ATG5: variants seen among roughly 807,000 people sequenced by gnomAD.
ATG5 encodes the protein autophagy related 5.
Under a neutral mutation model 36.5 loss-of-function variants are expected in ATG5, and 14 were observed. The observed-to-expected ratio is 0.38, with a 90% CI of 0.25 to 0.60. The LOEUF is 0.60. ATG5 is among the 20% of genes least tolerant of loss of function. The pLI is 0.60. For missense variants in ATG5, 195 were observed against 326.7 expected (o/e 0.60, Z 3.11); for synonymous variants, 95 against 101.5 (o/e 0.94, Z 0.38).
intron 5 of ATG5, among the ~76,000 whole-genome samples, chr6:106,278,533 T>C (rs181619101): frequency 2.6e-3 from 393 of 152,320 alleles, no homozygotes; most frequent in African/African-American, 8.9e-3. Context: ...CTTTACTGCA[T>C]ATAAGTTCCT....
At position 106,308,441 on chromosome 6, in the gene ATG5, T is replaced by C; in HGVS notation, c.159A>G (p.Lys53=). ...SYLTLVTDKV[K]KHFQKVMRQE... is the part of the protein sequence containing the mutation. ...GTCTCATAACCTTCTGAAAGTGCTT[T>C]TTCACTTTGTCAGTTACCAACGTCA... The change falls in exon 3 of 8, where the codon AAA becomes AAG. Residue 53 remains lysine (K), a synonymous_variant. Coordinates refer to ENST00000369076, the MANE Select transcript of ATG5 (RefSeq NM_004849.4). 1 of 1,600,404 alleles carries C rather than the reference T, an allele frequency of 6.2e-7. No homozygotes were observed. Among genetic ancestry groups the C allele is most frequent in the Non-Finnish European group, 8.5e-7 (1 of 1,173,946 alleles).
At chr6:106,198,788 G>A (rs377165342) in intron 7 of ATG5, among the ~76,000 whole-genome samples, 26 of 130,942 alleles carry the variant, frequency 2.0e-4, no homozygotes, top group Non-Finnish European at 3.6e-4. Flanking sequence ...AAAAAAAAAA[G>A]AGAGAGAGTG....
chr6:106,282,392 T>G (rs1185850312), intron 4 of ATG5, among the ~76,000 whole-genome samples: 1 of 152,234 alleles, frequency 6.6e-6, no homozygotes, highest in African/African-American at 2.4e-5. Context: ...TGGTTTTTAC[T>G]AGGTTCCTGT....
At chr6:106,238,495 T>G (rs1178273381) in intron 6 of ATG5, among the ~76,000 whole-genome samples, 1 of 152,204 alleles carries the variant, frequency 6.6e-6, no homozygotes, top group Non-Finnish European at 1.5e-5. Flanking sequence ...TTCCATCTCC[T>G]ATTAACACAC....
At chr6:106,297,642 A>G (rs889219685) in intron 3 of ATG5, among the ~76,000 whole-genome samples, 2 of 151,976 alleles carry the variant, frequency 1.3e-5, no homozygotes, top group Admixed American at 6.6e-5. Context: ...TTAAACCTGT[A>G]TTAAAATTTC....
At chr6:106,203,684 C>T (rs1776522586) in intron 6 of ATG5, among the ~76,000 whole-genome samples, 1 of 152,170 alleles carries the variant, frequency 6.6e-6, no homozygotes, top group African/African-American at 2.4e-5. Context: ...CCCCAAGTTG[C>T]AATCCTCCAC....
At chr6:106,287,733 A>G (rs1457730577) in intron 4 of ATG5, among the ~76,000 whole-genome samples, 2 of 152,220 alleles carry the variant, frequency 1.3e-5, no homozygotes, top group Non-Finnish European at 2.9e-5. Context: ...GAATCACATT[A>G]ACTCCTTTTT....
intron 6 of ATG5, among the ~76,000 whole-genome samples, chr6:106,224,841 A>C (rs2114440444): frequency 6.6e-6 from 1 of 152,336 alleles, no homozygotes; most frequent in Middle Eastern, 3.4e-3. Flanking sequence ...AGATCGCACC[A>C]TTGCACTCCA....
At chr6:106,194,163 G>A (rs1032096888) in intron 7 of ATG5, among the ~76,000 whole-genome samples, 2 of 152,124 alleles carry the variant, frequency 1.3e-5, no homozygotes, top group Non-Finnish European at 2.9e-5. Context: ...AATTCTAAAT[G>A]AATATCTAAA....
At chr6:106,291,422 G>A (rs1446094149) in intron 4 of ATG5, among the ~76,000 whole-genome samples, 1 of 152,182 alleles carries the variant, frequency 6.6e-6, no homozygotes, top group Non-Finnish European at 1.5e-5. Flanking sequence ...CATTATCAGT[G>A]TAAATGTTAA....
intron 7 of ATG5, among the ~76,000 whole-genome samples, chr6:106,191,801 T>C (rs978887575): frequency 6.6e-6 from 1 of 152,116 alleles, no homozygotes; most frequent in Non-Finnish European, 1.5e-5. Flanking sequence ...CATGATTTAG[T>C]AACAAAAAGT....
chr6:106,245,140 G>T (rs1427725545), intron 6 of ATG5, among the ~76,000 whole-genome samples: 1 of 152,178 alleles, frequency 6.6e-6, no homozygotes, highest in Non-Finnish European at 1.5e-5. Flanking sequence ...GTAAATGACA[G>T]AAATGACACA....
At chr6:106,286,308 A>G (rs1163835535) in intron 4 of ATG5, among the ~76,000 whole-genome samples, 2 of 152,116 alleles carry the variant, frequency 1.3e-5, no homozygotes, top group African/African-American at 4.8e-5. Context: ...TCCAAAGCAC[A>G]TGGGGCTCAC....
chr6:106,202,448 A>G (rs1301767123), intron 6 of ATG5: 1 of 161,628 alleles, frequency 6.2e-6, no homozygotes, highest in Non-Finnish European at 1.3e-5. Context: ...CAAAACATAA[A>G]CCATGGCTGA....
At chr6:106,314,167 T>C (rs1237858264) in intron 2 of ATG5, among the ~76,000 whole-genome samples, 2 of 152,234 alleles carry the variant, frequency 1.3e-5, no homozygotes, top group African/African-American at 4.8e-5. Flanking sequence ...TCACAAGTCT[T>C]TTCCAATTTA....
chr6:106,207,842 C>A (rs980815299), intron 6 of ATG5, among the ~76,000 whole-genome samples: 2 of 152,086 alleles, frequency 1.3e-5, no homozygotes, highest in African/African-American at 4.8e-5. Context: ...GCCTGTAATT[C>A]CAGCACTTTG....
intron 1 of ATG5, among the ~76,000 whole-genome samples, chr6:106,319,587 C>T (rs1770985857): frequency 6.6e-6 from 1 of 152,214 alleles, no homozygotes; most frequent in Non-Finnish European, 1.5e-5. Context: ...TATCTTTCAA[C>T]TTAAACATGC....
intron 3 of ATG5, among the ~76,000 whole-genome samples, chr6:106,297,943 G>A (rs1023097363): frequency 6.6e-6 from 1 of 151,160 alleles, no homozygotes; most frequent in Non-Finnish European, 1.5e-5. Context: ...GTACTCAACA[G>A]AGGGAGACCC....
intron 5 of ATG5, among the ~76,000 whole-genome samples, chr6:106,256,923 A>G (rs768432071): frequency 1.3e-5 from 2 of 152,238 alleles, no homozygotes; most frequent in Non-Finnish European, 2.9e-5. Flanking sequence ...TTTTCACTTT[A>G]TAAACATTTT....
Sources: gnomAD v4.1 joint callset for allele counts (sites outside exome capture counted in the v4.1 genomes callset) on GRCh38, gnomAD v4.1.1 for gene constraint, MANE v1.5 for transcripts, NCBI Gene and HGNC (gene_info 2026-07-23, HGNC 2026-07-21) for gene names.